PIK3C2G: variants seen among roughly 807,000 people sequenced by gnomAD.
The protein encoded by PIK3C2G is phosphatidylinositol-4-phosphate 3-kinase catalytic subunit type 2 gamma.
In PIK3C2G, 168 loss-of-function variants were observed where a neutral mutation model predicts 181.1. The observed-to-expected ratio is 0.93, with a 90% CI of 0.82 to 1.05. The LOEUF is 1.05. Among genes scored for constraint, PIK3C2G ranks in the 50% least tolerant of loss-of-function variants. PIK3C2G has a pLI of 0.00. For synonymous variants in PIK3C2G, 573 were observed against 592.2 expected (o/e 0.97, Z 0.47); for missense variants, 1,869 against 1,732.8 (o/e 1.08, Z -1.40).
chr12:18,317,841 A>G (rs578021771), intron 6 of PIK3C2G, among the ~76,000 whole-genome samples: 52 of 152,344 alleles, frequency 3.4e-4, no homozygotes, highest in African/African-American at 1.2e-3. Flanking sequence ...TTCTTCATCA[A>G]AAAATGTGAA....
chr12:18,659,794 A>C, the PIK3C2G span, among the ~76,000 whole-genome samples: 1 of 151,292 alleles, frequency 6.6e-6, no homozygotes, highest in Non-Finnish European at 1.5e-5. Context: ...ATTTAGCATT[A>C]TGTATATCAC....
At chr12:18,699,791 T>C in the PIK3C2G span, 4 of 1,612,752 alleles carry the variant, frequency 2.5e-6, no homozygotes, top group African/African-American at 1.3e-5. Flanking sequence ...CACAAAAATT[T>C]ACCTCGCAAT....
chr12:18,623,451 G>C (rs887293420), intron 31 of PIK3C2G, among the ~76,000 whole-genome samples: 1 of 151,780 alleles, frequency 6.6e-6, no homozygotes, highest in African/African-American at 2.4e-5. Flanking sequence ...TTGTTGTATA[G>C]TTTGAAATCA....
intron 29 of PIK3C2G, among the ~76,000 whole-genome samples, chr12:18,576,337 T>C (rs953769004): frequency 6.6e-6 from 1 of 152,114 alleles, no homozygotes. Context: ...CCCAGGAACA[T>C]TGCCTGGCCA....
intron 18 of PIK3C2G, among the ~76,000 whole-genome samples, chr12:18,463,604 T>C (rs1247953902): frequency 6.6e-6 from 1 of 152,194 alleles, no homozygotes; most frequent in East Asian, 1.9e-4. Context: ...ATAATTTGAA[T>C]GGAATTTAAT....
chr12:18,719,279 A>G, the PIK3C2G span: 1 of 430,972 alleles, frequency 2.3e-6, no homozygotes, highest in South Asian at 7.9e-5. Flanking sequence ...TTGGATCTTC[A>G]AGATATGTAC....
intron 26 of PIK3C2G, among the ~76,000 whole-genome samples, 183 bp downstream of exon 26, chr12:18,546,615 G>C (rs554926653): frequency 5.3e-5 from 8 of 152,126 alleles, no homozygotes; most frequent in African/African-American, 1.4e-4. Context: ...GAAGGCCTTA[G>C]TCAGTGTTTC....
intron 24 of PIK3C2G, among the ~76,000 whole-genome samples, chr12:18,514,354 A>G (rs934729964): frequency 6.6e-6 from 1 of 151,804 alleles, no homozygotes; most frequent in Non-Finnish European, 1.5e-5. Flanking sequence ...ATCTACGTCC[A>G]ATATTTCTTT....
intron 15 of PIK3C2G, among the ~76,000 whole-genome samples, chr12:18,393,077 A>G (rs56963783): frequency 0.011 from 1,682 of 152,222 alleles, 29 homozygotes; most frequent in African/African-American, 0.039. Flanking sequence ...AATATGAAAA[A>G]GATGCCTTGA....
intron 15 of PIK3C2G, among the ~76,000 whole-genome samples, chr12:18,395,120 T>C (rs1200809835): frequency 6.7e-6 from 1 of 149,306 alleles, no homozygotes; most frequent in Non-Finnish European, 1.5e-5. Context: ...TCTTTCTCTC[T>C]TTCCCTTCTT....
At chr12:18,559,201 C>A (rs1346863301) in intron 26 of PIK3C2G, among the ~76,000 whole-genome samples, 1 of 152,192 alleles carries the variant, frequency 6.6e-6, no homozygotes, top group African/African-American at 2.4e-5. Context: ...ATTATATATG[C>A]TAAAATGCCA....
chr12:18,655,787 T>C, the PIK3C2G span, among the ~76,000 whole-genome samples: 2 of 147,478 alleles, frequency 1.4e-5, no homozygotes, highest in Non-Finnish European at 3.0e-5. Flanking sequence ...CAAATCCCAA[T>C]TGACAACATT....
chr12:18,690,507 G>A, the PIK3C2G span, among the ~76,000 whole-genome samples: 3 of 152,122 alleles, frequency 2.0e-5, no homozygotes, highest in Non-Finnish European at 2.9e-5. Context: ...TTACAGATGT[G>A]AGCCTCCATA....
At chr12:18,409,204 A>C (rs1020782148) in intron 16 of PIK3C2G, among the ~76,000 whole-genome samples, 1 of 152,226 alleles carries the variant, frequency 6.6e-6, no homozygotes, top group Non-Finnish European at 1.5e-5. Context: ...ACACCATGGA[A>C]TACTATGCAG....
intron 9 of PIK3C2G, 48 bp from the exon 10 acceptor site, chr12:18,343,279 G>C: frequency 1.0e-6 from 1 of 984,880 alleles, no homozygotes; most frequent in South Asian, 1.5e-5. Flanking sequence ...TGACTATTTT[G>C]TGAATTTGTT....
rs531486983 is a variant in PIK3C2G, at chr12:18,308,607, GC to G, written c.1035-5352del. 3.3e-3 allele frequency among the ~76,000 whole-genome samples: 500 copies of G among 151,442 alleles called. 2 individuals carry two copies. Among genetic ancestry groups the G allele is most frequent in the African/African-American group, 0.011 (476 of 41,392 alleles). On this transcript the variant is annotated intron_variant, in intron 5 of 32. Coordinates refer to ENST00000538779, the MANE Select transcript of PIK3C2G (RefSeq NM_001288772.2). ...TCCTTTACAAAACAGAATGATTAAG[GC>G]CCAGAATTCATTGTTTGTTCTAGAA...
At chr12:18,304,928 T>C (rs1447297294) in intron 5 of PIK3C2G, among the ~76,000 whole-genome samples, 1 of 152,208 alleles carries the variant, frequency 6.6e-6, no homozygotes, top group East Asian at 1.9e-4. Context: ...CCTCCACTTA[T>C]AAAATCACAG....
chr12:18,618,022 A>G (rs1948682282), intron 31 of PIK3C2G, among the ~76,000 whole-genome samples: 1 of 152,138 alleles, frequency 6.6e-6, no homozygotes. Context: ...TATATAAGAC[A>G]CCTTAATAAT....
At chr12:18,432,650 T>C (rs529280727) in intron 18 of PIK3C2G, among the ~76,000 whole-genome samples, 2 of 152,352 alleles carry the variant, frequency 1.3e-5, no homozygotes, top group East Asian at 3.9e-4. Flanking sequence ...TGTTTAGAAA[T>C]TATTCTTGTC....
Sources: allele counts gnomAD v4.1 joint callset (sites outside exome capture counted in the v4.1 genomes callset), GRCh38; gene constraint gnomAD v4.1.1; transcripts MANE v1.5; gene names NCBI Gene and HGNC (gene_info 2026-07-23, HGNC 2026-07-21).